The following PIWIL4 variants were observed in gnomAD, a reference collection of about 807,000 sequenced individuals.
PIWIL4 encodes piwi-like protein 4.
Under a neutral mutation model 100.9 loss-of-function variants are expected in PIWIL4, and 50 were observed. The observed-to-expected ratio is 0.50, with a 90% CI of 0.39 to 0.63. The LOEUF is 0.63. PIWIL4 is among the 20% of genes least tolerant of loss of function. The pLI is 0.00. For missense variants in PIWIL4, 887 were observed against 1,043.3 expected (o/e 0.85, Z 2.06); for synonymous variants, 342 against 367.5 (o/e 0.93, Z 0.79).
intron 17 of PIWIL4, 101 bp downstream of exon 17, chr11:94,618,208 A>C (rs1165813039): frequency 8.0e-7 from 1 of 1,244,830 alleles, no homozygotes; most frequent in Non-Finnish European, 1.1e-6. Flanking sequence ...TTTTTTATGC[A>C]ATTAAGTTTT....
chr11:94,593,734 C>G, intron 9 of PIWIL4, 93 bp downstream of exon 9: 1 of 1,403,848 alleles, frequency 7.1e-7, no homozygotes, highest in Non-Finnish European at 9.7e-7. Flanking sequence ...ACATGAATGC[C>G]AGGACATCGA....
chr11:94,608,752 G>A lies in PIWIL4; in HGVS notation c.1943+66G>A, dbSNP rs1392321800. On this transcript the variant is annotated intron_variant, in intron 15 of 19. Coordinates refer to ENST00000299001, the MANE Select transcript of PIWIL4 (RefSeq NM_152431.3). ...GACTATTAATTGTGGTTTCACTAAAGAATGTAACAGCAAGGAATATTTTGT... is the reference window on the plus strand; with the variant it reads ...GACTATTAATTGTGGTTTCACTAAAAAATGTAACAGCAAGGAATATTTTGT... 4 of 1,311,266 alleles carry A rather than the reference G, an allele frequency of 3.1e-6. No individual in the cohort carries two copies. The South Asian group carries it at 3.6e-5, about 12-fold the overall frequency. 81.2% of individuals were successfully genotyped at this position (1,311,266 alleles called of 1,614,324 possible).
rs745979781 is a variant in PIWIL4, at chr11:94,593,499, T to C, written c.1027-19T>C. ...TGCTTCCATGTTAACTTTTTACTTA[T>C]TAATCTTGCATTTTATAGCAGTATG... is the stretch of plus-strand genomic sequence containing the variant. On this transcript the variant is annotated intron_variant, in intron 8 of 19. Transcript: ENST00000299001. The C allele has an allele frequency of 3.7e-5, 60 of 1,608,936 alleles. No individual in the cohort carries two copies. Among genetic ancestry groups the C allele is most frequent in the Non-Finnish European group, 4.9e-5 (58 of 1,177,508 alleles).
chr11:94,587,356 T>C, intron 7 of PIWIL4, 109 bp downstream of exon 7: 1 of 1,154,816 alleles, frequency 8.7e-7, no homozygotes, highest in Non-Finnish European at 1.2e-6. Context: ...TCTAATCCAT[T>C]TACTCATCTG....
intron 7 of PIWIL4, among the ~76,000 whole-genome samples, chr11:94,588,020 T>G (rs1948427543): frequency 6.6e-6 from 1 of 152,192 alleles, no homozygotes; most frequent in Non-Finnish European, 1.5e-5. Context: ...TAGGTAAAAG[T>G]GTGCCATGGT....
At chr11:94,585,350 T>C in intron 5 of PIWIL4, 95 bp from the exon 6 acceptor site, 1 of 816,692 alleles carries the variant, frequency 1.2e-6, no homozygotes, top group Non-Finnish European at 1.9e-6. Context: ...GTATTTCCTA[T>C]ATATTTTTAA....
intron 4 of PIWIL4, among the ~76,000 whole-genome samples, chr11:94,581,030 G>A (rs902019226): frequency 2.0e-5 from 3 of 151,618 alleles, no homozygotes; most frequent in Admixed American, 2.0e-4. Flanking sequence ...CTCCTGAGTA[G>A]CTGGGATTAT....
At chr11:94,602,290 CTTCT>C (rs1948653434) in intron 12 of PIWIL4, among the ~76,000 whole-genome samples, 1 of 152,096 alleles carries the variant, frequency 6.6e-6, no homozygotes, top group Non-Finnish European at 1.5e-5. Context: ...ACTGTTTTTC[CTTCT>C]TTCAGATCAG....
At chr11:94,619,719 T>C in intron 17 of PIWIL4, 41 bp from the exon 18 acceptor site, 7 of 1,581,568 alleles carry the variant, frequency 4.4e-6, no homozygotes, top group Non-Finnish European at 6.0e-6. Context: ...CTATATAGAT[T>C]GGATTGAGTT....
chr11:94,613,966 G>T (rs1238100082), intron 15 of PIWIL4, among the ~76,000 whole-genome samples: 1 of 152,090 alleles, frequency 6.6e-6, no homozygotes, highest in Non-Finnish European at 1.5e-5. Context: ...GTTTCACTGT[G>T]TTGGTCAGGC....
chr11:94,607,763 G>C, intron 14 of PIWIL4, 124 bp downstream of exon 14: 1 of 1,014,314 alleles, frequency 9.9e-7, no homozygotes, highest in South Asian at 1.8e-5. Flanking sequence ...CCTTTGCCCT[G>C]GGTTCTGGCA....
Position 94,578,774 on chromosome 11 carries a change from C to A in PIWIL4, c.513+1282C>A, listed in dbSNP as rs1260110834. Among the ~76,000 whole-genome samples, 3 of 152,096 alleles carry A rather than the reference C, an allele frequency of 2.0e-5. No homozygotes were observed. The East Asian group carries it at 5.8e-4, about 29-fold the overall frequency. ...CTGTTAGTATGAGTTTATTTGGGTGCAAAATTTTTGAAATCCATGCATAGT... is the reference window on the plus strand; with the variant it reads ...CTGTTAGTATGAGTTTATTTGGGTGAAAAATTTTTGAAATCCATGCATAGT... On this transcript the variant is annotated intron_variant, in intron 4 of 19. Transcript: ENST00000299001.
At chr11:94,579,441 G>A (rs929331032) in intron 4 of PIWIL4, among the ~76,000 whole-genome samples, 1 of 152,086 alleles carries the variant, frequency 6.6e-6, no homozygotes, top group African/African-American at 2.4e-5. Context: ...ATTTCTGTGT[G>A]AAAAATTAAA....
intron 1 of PIWIL4, among the ~76,000 whole-genome samples, chr11:94,568,067 C>A (rs1488444060): frequency 6.6e-6 from 1 of 151,518 alleles, no homozygotes; most frequent in Non-Finnish European, 1.5e-5. Context: ...TGGATTTAGG[C>A]AACTAGATTG....
intron 4 of PIWIL4, among the ~76,000 whole-genome samples, chr11:94,582,488 A>G (rs1458009244): frequency 6.6e-6 from 1 of 152,230 alleles, no homozygotes; most frequent in Admixed American, 6.5e-5. Context: ...GGTTACAACC[A>G]TACTGTAGCT....
chr11:94,584,140 A>G (rs1469393410), intron 5 of PIWIL4, among the ~76,000 whole-genome samples: 2 of 152,178 alleles, frequency 1.3e-5, no homozygotes, highest in African/African-American at 4.8e-5. Context: ...TATTCCCTGG[A>G]CCTTCACTGA....
At chr11:94,608,784 C>A in intron 15 of PIWIL4, 98 bp downstream of exon 15, 2 of 1,066,016 alleles carry the variant, frequency 1.9e-6, no homozygotes, top group South Asian at 1.4e-5. Context: ...TTGTATTATT[C>A]ACTCATTTTA....
Position 94,595,372 on chromosome 11 carries a change from T to C in PIWIL4, c.1214T>C (p.Leu405Pro). Reference sequence around the variant, plus strand: ...AAGGCTGTGGCTGAAAAGACACGTCTCAGTCCTTCAGGCCGGCAGCAGCGC... The same window carrying C: ...AAGGCTGTGGCTGAAAAGACACGTCCCAGTCCTTCAGGCCGGCAGCAGCGC... ...LMKAVAEKTR[L>P]SPSGRQQRLA... Residue 405 changes from leucine (L) to proline (P), a missense_variant, in exon 10 of 20, where the codon CTC (leucine) becomes CCC (proline). Leu to Pro is a moderately conservative substitution (Grantham distance 98). This residue lies in a region of PIWIL4 where 741 missense variants were observed against 930.0 expected (regional missense o/e 0.80). Transcript: ENST00000299001. The C allele has an allele frequency of 6.2e-7, 1 of 1,614,050 alleles. No individual in the cohort carries two copies. The highest frequency in any genetic ancestry group is 1.3e-5 in the African/African-American group (1 of 75,072).
chr11:94,607,426 T>C lies in PIWIL4; in HGVS notation c.1639-13T>C, dbSNP rs1464516841. 2 of 1,607,770 alleles carry C rather than the reference T, an allele frequency of 1.2e-6. No homozygotes were observed. The highest frequency in any genetic ancestry group is 2.7e-5 in the African/African-American group (2 of 74,760). On this transcript the variant is annotated splice_polypyrimidine_tract_variant and intron_variant, in intron 13 of 19. Transcript: ENST00000299001. ...AATTAACTTCCAAAATCTTTTGCTGTTTTTGCTTTTAGGTAATGTGCATTC... is the reference window on the plus strand; with the variant it reads ...AATTAACTTCCAAAATCTTTTGCTGCTTTTGCTTTTAGGTAATGTGCATTC...
Sources: gnomAD v4.1 joint callset for allele counts (sites outside exome capture counted in the v4.1 genomes callset) on GRCh38, gnomAD v4.1.1 for gene constraint, gnomAD v4.1.1 regional missense constraint, MANE v1.5 for transcripts, NCBI Gene and HGNC (gene_info 2026-07-23, HGNC 2026-07-21) for gene names.